Variants in MAN1C1 observed in about 807,000 individuals in gnomAD.
MAN1C1 encodes mannosyl-oligosaccharide 1,2-alpha-mannosidase IC.
A neutral mutation model predicts 71.5 loss-of-function variants in MAN1C1; 49 were observed. The ratio of observed to expected loss-of-function variants is 0.69; its 90% CI spans 0.54 to 0.87. The LOEUF (loss-of-function observed/expected upper bound fraction) is 0.87, where lower values mean the gene tolerates loss of function less well. Among genes scored for constraint, MAN1C1 ranks in the 40% least tolerant of loss-of-function variants. MAN1C1 has a pLI of 0.00. For missense variants in MAN1C1, 743 were observed against 835.0 expected, an observed-to-expected ratio of 0.89 and a Z score of 1.36; for synonymous variants, 352 against 343.7, an observed-to-expected ratio of 1.02 and a Z score of -0.27.
chr1:25,646,313 C>A (rs1462219860), intron 1 of MAN1C1: 1 of 152,312 alleles, frequency 6.6e-6, no homozygotes, highest in African/African-American at 2.4e-5. Context: ...CCTGCTGGGC[C>A]CAGGCCTGGC....
At chr1:25,628,432 C>G (rs1285383768) in intron 1 of MAN1C1, among the ~76,000 whole-genome samples, 1 of 152,102 alleles carries the variant, frequency 6.6e-6, no homozygotes, top group Admixed American at 6.5e-5. Flanking sequence ...CTCAGTCTCC[C>G]GAGTAGCTGA....
chr1:25,686,314 A>G (rs948550767), intron 1 of MAN1C1, 126 bp from the exon 2 acceptor site: 13 of 770,450 alleles, frequency 1.7e-5, no homozygotes, highest in Middle Eastern at 5.1e-4. Flanking sequence ...ACTTTCTCCA[A>G]TTTGGAAAAT....
chr1:25,625,247 C>T (rs2045276727), intron 1 of MAN1C1, among the ~76,000 whole-genome samples: 1 of 152,064 alleles, frequency 6.6e-6, no homozygotes. Flanking sequence ...TCAGGTGATC[C>T]ATCCGCCTCA....
intron 1 of MAN1C1, chr1:25,644,518 A>ATATATATATATTTTTTTTT (rs61386117): frequency 5.0e-5 from 2 of 40,286 alleles, no homozygotes; most frequent in African/African-American, 3.8e-4. Context: ...ATATATATAT[A>ATATATATATATTTTTTTTT]TTTTTTTTTT....
At chr1:25,667,955 C>T (rs1158349787) in intron 1 of MAN1C1, among the ~76,000 whole-genome samples, 1 of 152,182 alleles carries the variant, frequency 6.6e-6, no homozygotes, top group Non-Finnish European at 1.5e-5. Context: ...GGAAGAATGA[C>T]TCCAGGACCT....
intron 2 of MAN1C1, among the ~76,000 whole-genome samples, chr1:25,745,569 C>T (rs1319169581): frequency 6.6e-6 from 1 of 152,160 alleles, no homozygotes; most frequent in East Asian, 1.9e-4. Context: ...GTGGATGTCT[C>T]CCCAGGTAAA....
Position 25,767,299 on chromosome 1 carries a change from C to G in MAN1C1, c.1141+3332C>G, listed in dbSNP as rs1384394594. Reference sequence around the variant, plus strand: ...ACACACTACATACACTCCTACTCTCCCCTCACACACCCACACTCCCCTCAC... The same window carrying G: ...ACACACTACATACACTCCTACTCTCGCCTCACACACCCACACTCCCCTCAC... On this transcript the variant is annotated intron_variant, in intron 7 of 11. Transcript: ENST00000374332. Among the ~76,000 whole-genome samples, 4 of 141,506 alleles carry G rather than the reference C, an allele frequency of 2.8e-5. No homozygotes were observed. In the East Asian group the frequency reaches 8.6e-4, roughly 31 times the overall value. The allele number at this position is 141,506 out of a possible 152,430, so 92.8% of individuals were successfully genotyped here. A position where few individuals can be genotyped will look rare whatever the true frequency, so the allele number is the denominator to read the frequency against.
chr1:25,635,825 G>T (rs1437853205), intron 1 of MAN1C1, among the ~76,000 whole-genome samples: 3 of 152,052 alleles, frequency 2.0e-5, no homozygotes, highest in African/African-American at 7.2e-5. Context: ...TGCTTTTTCT[G>T]TTTCCTCTTA....
chr1:25,669,140 A>C (rs1052406889), intron 1 of MAN1C1, among the ~76,000 whole-genome samples: 1 of 152,188 alleles, frequency 6.6e-6, no homozygotes, highest in Non-Finnish European at 1.5e-5. Context: ...GCGTATGGCA[A>C]GGTCTGTTTT....
At chr1:25,674,674 G>A (rs969126169) in intron 1 of MAN1C1, among the ~76,000 whole-genome samples, 1 of 152,146 alleles carries the variant, frequency 6.6e-6, no homozygotes, top group Non-Finnish European at 1.5e-5. Context: ...CTGTGGCAGG[G>A]GGAGGCATGG....
At chr1:25,713,314 C>T (rs1459734158) in intron 2 of MAN1C1, among the ~76,000 whole-genome samples, 1 of 152,216 alleles carries the variant, frequency 6.6e-6, no homozygotes, top group African/African-American at 2.4e-5. Flanking sequence ...TCATCACAGT[C>T]AGGTGAGATG....
chr1:25,691,406 G>A (rs1388407220), intron 2 of MAN1C1, among the ~76,000 whole-genome samples: 2 of 152,210 alleles, frequency 1.3e-5, no homozygotes, highest in African/African-American at 2.4e-5. Flanking sequence ...GACCTTGGGC[G>A]AGTTTCTTAA....
intron 1 of MAN1C1, among the ~76,000 whole-genome samples, chr1:25,665,761 G>A (rs2045914047): frequency 6.6e-6 from 1 of 151,224 alleles, no homozygotes; most frequent in Non-Finnish European, 1.5e-5. Context: ...CCCATTAGTA[G>A]AAGAAATGGT....
chr1:25,642,409 A>AGG (rs1346483393), intron 1 of MAN1C1, among the ~76,000 whole-genome samples: 2 of 152,246 alleles, frequency 1.3e-5, no homozygotes, highest in Non-Finnish European at 1.5e-5. Flanking sequence ...CAGCCATGCC[A>AGG]GGTGCTAGAC....
In MAN1C1 at chr1:25,631,909, C is replaced by G. The variant is rs1369398368; in HGVS notation, c.540+13572C>G. Among the ~76,000 whole-genome samples, 1 of 152,126 alleles carries G rather than the reference C, an allele frequency of 6.6e-6. No individual in the cohort carries two copies. Among genetic ancestry groups the G allele is most frequent in the African/African-American group, 2.4e-5 (1 of 41,410 alleles). On this transcript the variant is annotated intron_variant, in intron 1 of 11. Coordinates refer to ENST00000374332, the MANE Select transcript of MAN1C1 (RefSeq NM_020379.4). This position sits in a 1 kb window ranked among gnomAD's most constrained non-coding sequence, Gnocchi z 4.2. ...GCCTCAGCTGCCTGAGTAGCTGGGA[C>G]TACAGGTGCATGCCACTACGCACGG...
chr1:25,705,082 C>CGTT (rs1446473222), intron 2 of MAN1C1, among the ~76,000 whole-genome samples: 61 of 152,300 alleles, frequency 4.0e-4, no homozygotes, highest in Non-Finnish European at 7.2e-4. Flanking sequence ...CTTTTCTGCC[C>CGTT]TTAAAATTAC....
chr1:25,690,178 C>T (rs944216950), intron 2 of MAN1C1, among the ~76,000 whole-genome samples: 5 of 152,104 alleles, frequency 3.3e-5, no homozygotes, highest in Non-Finnish European at 2.9e-5. Context: ...TACCCACATC[C>T]GGCTCAGCAG....
At chr1:25,693,834 T>C (rs2046337122) in intron 2 of MAN1C1, among the ~76,000 whole-genome samples, 1 of 152,182 alleles carries the variant, frequency 6.6e-6, no homozygotes, top group South Asian at 2.1e-4. Flanking sequence ...GTTTCTTAAC[T>C]TCTCTGCACC....
In MAN1C1 at chr1:25,686,642, C is replaced by T. The variant is rs528077658; in HGVS notation, c.637+106C>T. 6.3e-5 allele frequency: 56 copies of T among 890,906 alleles called. 1 individual carries two copies. The African/African-American group carries it at 7.4e-4, about 12-fold the overall frequency. The allele number at this position is 890,906 out of a possible 1,614,324, so 55.2% of individuals were successfully genotyped here. ...TTCACCTCCTGAGCTGTGGGGGCTC[C>T]ACAGTTCTCCAGATCTGGGGCCTTC... On this transcript the variant is annotated intron_variant, in intron 2 of 11. Transcript: ENST00000374332.
Sources: gnomAD v4.1 joint callset for allele counts (sites outside exome capture counted in the v4.1 genomes callset) on GRCh38, gnomAD v4.1.1 for gene constraint, Gnocchi (gnomAD v3.1) non-coding constraint, MANE v1.5 for transcripts, NCBI Gene and HGNC (gene_info 2026-07-23, HGNC 2026-07-21) for gene names.